The following NRXN3 variants were observed in gnomAD, a reference collection of about 807,000 sequenced individuals.
NRXN3 encodes neurexin 3.
Under a neutral mutation model 137.6 loss-of-function variants are expected in NRXN3, and 32 were observed. That is an observed-to-expected ratio of 0.23 (90% CI 0.18 to 0.31). The LOEUF (loss-of-function observed/expected upper bound fraction) is 0.31, where lower values mean the gene tolerates loss of function less well. NRXN3 is among the 10% of genes least tolerant of loss of function. The pLI, the probability that NRXN3 is intolerant of heterozygous loss-of-function variation, is 1.00. For synonymous variants in NRXN3, 798 were observed against 784.5 expected, an observed-to-expected ratio of 1.02 and a Z score of -0.29; for missense variants, 1,574 against 2,062.5, an observed-to-expected ratio of 0.76 and a Z score of 4.59.
intron 5 of NRXN3, among the ~76,000 whole-genome samples, chr14:78,650,954 A>G (rs2097736235): frequency 6.6e-6 from 1 of 152,216 alleles, no homozygotes; most frequent in East Asian, 1.9e-4. Flanking sequence ...GTCATCCATG[A>G]GTCTGCAGGG....
intron 4 of NRXN3, among the ~76,000 whole-genome samples, chr14:78,485,035 T>G (rs2095539725): frequency 6.6e-6 from 1 of 152,172 alleles, no homozygotes; most frequent in African/African-American, 2.4e-5. Flanking sequence ...TGCCTCATCC[T>G]TGGTCCTGTC....
intron 15 of NRXN3, among the ~76,000 whole-genome samples, chr14:79,419,800 A>G (rs1166454573): frequency 2.0e-5 from 3 of 152,220 alleles, no homozygotes; most frequent in African/African-American, 7.2e-5. Context: ...ATTGGATTAC[A>G]TAATGCAAGT....
intron 4 of NRXN3, among the ~76,000 whole-genome samples, chr14:78,551,927 G>A (rs2096695298): frequency 6.6e-6 from 1 of 152,002 alleles, no homozygotes; most frequent in Admixed American, 6.6e-5. Context: ...AGGACCAAAA[G>A]TGCCCTTAGA....
At chr14:78,831,827 A>C (rs548348725) in intron 10 of NRXN3, among the ~76,000 whole-genome samples, 4 of 152,246 alleles carry the variant, frequency 2.6e-5, no homozygotes, top group Non-Finnish European at 5.9e-5. Context: ...GTTCAGGATC[A>C]CATATGAAAT....
chr14:79,805,221 T>G, intron 20 of NRXN3, 31 bp downstream of exon 20: 1 of 1,570,534 alleles, frequency 6.4e-7, no homozygotes, highest in South Asian at 1.1e-5. Context: ...TTTGCTTGCT[T>G]TCTTTTTTCT....
chr14:78,277,041 C>G (rs2073701258), intron 2 of NRXN3, among the ~76,000 whole-genome samples: 1 of 152,142 alleles, frequency 6.6e-6, no homozygotes, highest in Non-Finnish European at 1.5e-5. Context: ...AGGCATGATT[C>G]AGAGCTTTCT....
intron 16 of NRXN3, among the ~76,000 whole-genome samples, chr14:79,639,947 G>GCC (rs1567748976): frequency 7.4e-6 from 1 of 135,878 alleles, no homozygotes; most frequent in Admixed American, 7.7e-5. Flanking sequence ...CCCAAGAAGT[G>GCC]GTTTCAGTAT....
At chr14:78,486,274 G>T (rs866825777) in intron 4 of NRXN3, among the ~76,000 whole-genome samples, 11 of 152,160 alleles carry the variant, frequency 7.2e-5, no homozygotes, top group Middle Eastern at 3.2e-3. Context: ...AGTCCAAGTT[G>T]GGAGGTAGAT....
chr14:78,246,616 GT>G (rs1255024367), intron 2 of NRXN3, among the ~76,000 whole-genome samples: 1 of 152,186 alleles, frequency 6.6e-6, no homozygotes, highest in Non-Finnish European at 1.5e-5. Context: ...GTTGATCCTG[GT>G]AATTGTCATC....
At chr14:79,648,161 C>G (rs2098460239) in intron 16 of NRXN3, among the ~76,000 whole-genome samples, 1 of 134,224 alleles carries the variant, frequency 7.5e-6, no homozygotes, top group African/African-American at 2.5e-5. Context: ...AAAGTATTTC[C>G]CTTCCCTACT....
intron 15 of NRXN3, among the ~76,000 whole-genome samples, chr14:79,143,430 T>C (rs1429016043): frequency 6.6e-6 from 1 of 152,208 alleles, no homozygotes; most frequent in Non-Finnish European, 1.5e-5. Flanking sequence ...TAGATTGAAC[T>C]CTCCAGGCTT....
intron 15 of NRXN3, among the ~76,000 whole-genome samples, chr14:79,185,015 A>G (rs2063352450): frequency 6.6e-6 from 1 of 152,202 alleles, no homozygotes; most frequent in Non-Finnish European, 1.5e-5. Flanking sequence ...AGAATATTTT[A>G]CAGAGATGCA....
At chr14:79,704,854 A>T (rs936456001) in intron 19 of NRXN3, among the ~76,000 whole-genome samples, 6 of 152,150 alleles carry the variant, frequency 3.9e-5, no homozygotes, top group Non-Finnish European at 5.9e-5. Flanking sequence ...CACAGTTCTA[A>T]CAACAACAGA....
intron 15 of NRXN3, among the ~76,000 whole-genome samples, chr14:79,049,564 C>T (rs2099638924): frequency 6.6e-6 from 1 of 152,170 alleles, no homozygotes; most frequent in African/African-American, 2.4e-5. Context: ...GACCTTCTCC[C>T]ATGTATCATG....
chr14:79,200,106 A>G (rs2065755812), intron 15 of NRXN3: 1 of 152,208 alleles, frequency 6.6e-6, no homozygotes, highest in South Asian at 2.1e-4. Context: ...ACATATTTTA[A>G]AAGCCAAGAG....
chr14:78,422,188 T>C (rs966359474), intron 4 of NRXN3, among the ~76,000 whole-genome samples: 8 of 152,196 alleles, frequency 5.3e-5, no homozygotes, highest in African/African-American at 1.9e-4. Flanking sequence ...TTTTTCACTC[T>C]TCAGGGCTTG....
chr14:78,446,415 T>A (rs2094421637), intron 4 of NRXN3, among the ~76,000 whole-genome samples: 1 of 152,106 alleles, frequency 6.6e-6, no homozygotes. Context: ...AGGCTTTTTT[T>A]TTTTTCCATT....
At chr14:78,564,602 T>C (rs1163484867) in intron 4 of NRXN3, among the ~76,000 whole-genome samples, 1 of 152,344 alleles carries the variant, frequency 6.6e-6, no homozygotes, top group East Asian at 1.9e-4. Flanking sequence ...AACTTATGTA[T>C]TGTACCTTTC....
In NRXN3 at chr14:79,463,013, G is replaced by A. The variant is rs566563283; in HGVS notation, c.3263-4208G>A. Among the ~76,000 whole-genome samples the A allele has an allele frequency of 8.3e-4, 126 of 151,768 alleles. No homozygotes were observed. The South Asian group carries it at 0.025, about 31-fold the overall frequency. ...CCCAGAAAAAGTAATATGCTATTTG[G>A]CTATAAGACTGGAAATAGAACCCAT... On this transcript the variant is annotated intron_variant, in intron 15 of 20. Coordinates refer to ENST00000335750, the MANE Select transcript of NRXN3 (RefSeq NM_001330195.2).
Sources: gnomAD v4.1 joint callset for allele counts (sites outside exome capture counted in the v4.1 genomes callset) on GRCh38, gnomAD v4.1.1 for gene constraint, MANE v1.5 for transcripts, NCBI Gene and HGNC (gene_info 2026-07-23, HGNC 2026-07-21) for gene names.